The following CEP131 variants were observed in gnomAD, a reference collection of about 807,000 sequenced individuals.
The protein encoded by CEP131 is centrosomal protein of 131 kDa.
In CEP131, 99 loss-of-function variants were observed where a neutral mutation model predicts 136.8. The ratio of observed to expected loss-of-function variants is 0.72; its 90% CI spans 0.62 to 0.86. The LOEUF is 0.86. Among genes scored for constraint, CEP131 ranks in the 40% least tolerant of loss-of-function variants. The pLI is 0.00. For synonymous variants in CEP131, 646 were observed against 612.7 expected, an observed-to-expected ratio of 1.05 and a Z score of -0.80; for missense variants, 1,459 against 1,463.0, an observed-to-expected ratio of 1.00 and a Z score of 0.04.
At chr17:81,192,224 A>C in intron 21 of CEP131, 94 bp downstream of exon 21, 1 of 1,232,766 alleles carries the variant, frequency 8.1e-7, no homozygotes, top group Non-Finnish European at 1.1e-6. Context: ...CCAGGATGCC[A>C]CAGCAGCAGC....
Position 81,218,655 on chromosome 17 carries a change from C to T in CEP131, c.177+1225G>A, listed in dbSNP as rs76805328. Among the ~76,000 whole-genome samples the T allele has an allele frequency of 4.3e-3, 659 of 152,400 alleles. 7 individuals carry two copies. The highest frequency in any genetic ancestry group is 0.015 in the African/African-American group (607 of 41,598). The stretch of plus-strand genomic sequence containing the variant: ...CGGGTCCCCGCCCTGCTGGCCCAGG[C>T]TTTGGGAACCTGCTTGGTCCAAGGG... On this transcript the variant is annotated intron_variant, in intron 2 of 25. Transcript: ENST00000450824.
At chr17:81,213,496 T>C (rs976955162) in intron 2 of CEP131, among the ~76,000 whole-genome samples, 1 of 151,828 alleles carries the variant, frequency 6.6e-6, no homozygotes, top group Non-Finnish European at 1.5e-5. Context: ...GAGGCGGAGA[T>C]TGCAGTGAGC....
In CEP131 at chr17:81,194,867, C is replaced by T. The variant is rs1006121837; in HGVS notation, c.2119+3G>A. 6 of 1,612,886 alleles carry T rather than the reference C, an allele frequency of 3.7e-6. No homozygotes were observed. Among genetic ancestry groups the T allele is most frequent in the Non-Finnish European group, 5.1e-6 (6 of 1,179,660 alleles). On this transcript the variant is annotated splice_donor_region_variant and intron_variant, in intron 17 of 25. Coordinates refer to ENST00000450824, the MANE Select transcript of CEP131 (RefSeq NM_014984.4). Reference sequence around the variant, plus strand: ...GGCCGGCTCATGGGAGGGGAGGGCCCACCTCGGACAGTGACCTCCTTGATC... The same window carrying T: ...GGCCGGCTCATGGGAGGGGAGGGCCTACCTCGGACAGTGACCTCCTTGATC...
intron 7 of CEP131, among the ~76,000 whole-genome samples, chr17:81,200,954 G>A (rs977361516): frequency 3.3e-5 from 5 of 152,118 alleles, no homozygotes; most frequent in Non-Finnish European, 7.4e-5. Flanking sequence ...GTGCTGGGCC[G>A]TTTCCTTATC....
rs372479289 is a variant in CEP131 at position 81,207,195 on chromosome 17, G to T, written c.317C>A (p.Pro106His). ...GCTGGCAGGCCTCTTTTTCCCACTG[G>T]GGCTGCCCTCGAAGAGCATCAGGAA... ...TDFLMLFEGS[P>H]SGKKRPASLS... The change falls in exon 4 of 26, where the codon CCC becomes CAC. Residue 106 changes from proline (P) to histidine (H), a missense_variant. Pro to His is a moderately conservative substitution (Grantham distance 77, BLOSUM62 -2). Around this residue, in one of 3 missense-constraint regions of CEP131, gnomAD observed 187 missense variants for 179.9 expected, o/e 1.04. Coordinates refer to ENST00000450824, the MANE Select transcript of CEP131 (RefSeq NM_014984.4). 1.9e-6 allele frequency: 3 copies of T among 1,613,400 alleles called. No individual in the cohort carries two copies. Among genetic ancestry groups the T allele is most frequent in the Non-Finnish European group, 2.5e-6 (3 of 1,179,872 alleles).
In CEP131 at chr17:81,207,253, A is replaced by G. The variant is rs769619217; in HGVS notation, c.273-14T>C. 11 of 1,611,014 alleles carry G rather than the reference A, an allele frequency of 6.8e-6. No homozygotes were observed. The South Asian group carries it at 1.1e-4, about 16-fold the overall frequency. ...GGCTCCGTTGGCCTGCATCCGAGAGAGGGCGGCACACAAGGAAAGAGTCAC... is the reference window on the plus strand; with the variant it reads ...GGCTCCGTTGGCCTGCATCCGAGAGGGGGCGGCACACAAGGAAAGAGTCAC... On this transcript the variant is annotated splice_polypyrimidine_tract_variant and intron_variant, in intron 3 of 25. Transcript: ENST00000450824.
At chr17:81,195,619 C>A (rs2061737298) in intron 16 of CEP131, among the ~76,000 whole-genome samples, 1 of 151,982 alleles carries the variant, frequency 6.6e-6, no homozygotes, top group African/African-American at 2.4e-5. Flanking sequence ...ACAGCAGGCC[C>A]ACGGCCCCGC....
In CEP131 at chr17:81,198,096, G is replaced by A. The variant is rs772542277; in HGVS notation, c.1470+19C>T. 2.5e-5 allele frequency: 39 copies of A among 1,543,802 alleles called. No homozygotes were observed. The highest frequency in any genetic ancestry group is 5.7e-5 in the Admixed American group (3 of 52,226). On this transcript the variant is annotated intron_variant, in intron 12 of 25. Transcript: ENST00000450824. ...CGTGGGTGGACAGACTGTGCAGGGCGGGCGCACACCGTGGTCACCTCGCTG... is the reference window on the plus strand; with the variant it reads ...CGTGGGTGGACAGACTGTGCAGGGCAGGCGCACACCGTGGTCACCTCGCTG...
chr17:81,194,814 C>T, intron 17 of CEP131, 56 bp downstream of exon 17: 3 of 1,405,866 alleles, frequency 2.1e-6, no homozygotes, highest in Non-Finnish European at 3.0e-6. Flanking sequence ...TCAAAAGAAG[C>T]CCTGGCCGCA....
intron 8 of CEP131, 77 bp downstream of exon 8, chr17:81,200,252 C>G (rs2061860081): frequency 1.7e-6 from 2 of 1,149,496 alleles, no homozygotes; most frequent in South Asian, 2.9e-5. Context: ...TTCCACCTGT[C>G]CCAGAAACTC....
Position 81,192,569 on chromosome 17 carries a change from C to A in CEP131, c.2454G>T (p.Leu818=), listed in dbSNP as rs1347111146. 2 of 1,608,320 alleles carry A rather than the reference C, an allele frequency of 1.2e-6. No individual in the cohort carries two copies. Among genetic ancestry groups the A allele is most frequent in the East Asian group, 4.5e-5 (2 of 44,810 alleles). The change falls in exon 20 of 26, where the codon CTG becomes CTT. Residue 818 remains leucine (L), a synonymous_variant. Coordinates refer to ENST00000450824, the MANE Select transcript of CEP131 (RefSeq NM_014984.4). ...AARQRAELEE[L]RQQLEESSSA... is the part of the protein sequence containing the mutation. Reference sequence around the variant, plus strand: ...AGCTGCTCTCCTCCAGCTGCTGCCTCAGCTCTTCCAGCTCCGCCCGCTGCC... The same window carrying A: ...AGCTGCTCTCCTCCAGCTGCTGCCTAAGCTCTTCCAGCTCCGCCCGCTGCC...
At chr17:81,199,084 A>C in intron 10 of CEP131, 113 bp from the exon 11 acceptor site, 1 of 1,068,978 alleles carries the variant, frequency 9.4e-7, no homozygotes, top group Non-Finnish European at 1.3e-6. Flanking sequence ...CGACCCCAGA[A>C]GCAGAGGAGC....
rs796097651 is a variant in CEP131, at chr17:81,194,506, C to T, written c.2119+364G>A. On this transcript the variant is annotated intron_variant, in intron 17 of 25. Transcript: ENST00000450824. ...GCCTCCTGCCCCATCCGCCTGCCTGCCCCTGCCTCCTCCTGTGGCTCACTC... is the reference window on the plus strand; with the variant it reads ...GCCTCCTGCCCCATCCGCCTGCCTGTCCCTGCCTCCTCCTGTGGCTCACTC... 2.4e-4 allele frequency among the ~76,000 whole-genome samples: 36 copies of T among 152,372 alleles called. 1 individual carries two copies. Among genetic ancestry groups the T allele is most frequent in the African/African-American group, 8.7e-4 (36 of 41,592 alleles).
chr17:81,198,873 A>C lies in CEP131; in HGVS notation c.1287+4T>G, dbSNP rs1276123084. On this transcript the variant is annotated splice_donor_region_variant and intron_variant, in intron 11 of 25. Coordinates refer to ENST00000450824, the MANE Select transcript of CEP131 (RefSeq NM_014984.4). ...GATGGAGTGAAGGACAGCTGTGCTC[A>C]GACCTGCGTCCTGTCCTCTGGAGGC... The C allele has an allele frequency of 2.5e-6, 4 of 1,578,078 alleles. No homozygotes were observed. In the African/African-American group the frequency reaches 5.4e-5, roughly 21 times the overall value.
intron 5 of CEP131, among the ~76,000 whole-genome samples, chr17:81,205,621 G>T (rs2061993418): frequency 2.0e-5 from 3 of 152,112 alleles, no homozygotes; most frequent in Non-Finnish European, 4.4e-5. Context: ...TTAGGACCAG[G>T]TGTGGGGGCT....
At chr17:81,217,252 G>A (rs2062267844) in intron 2 of CEP131, among the ~76,000 whole-genome samples, 1 of 152,192 alleles carries the variant, frequency 6.6e-6, no homozygotes, top group East Asian at 1.9e-4. Context: ...TGAGCCAGAA[G>A]ACCAGCAGGA....
rs547832582 is a variant in CEP131, at chr17:81,201,921, G to A, written c.788+319C>T. On this transcript the variant is annotated intron_variant, in intron 7 of 25. Coordinates refer to ENST00000450824, the MANE Select transcript of CEP131 (RefSeq NM_014984.4). ...TCGAGAACATCCTGGCTAACACGGT[G>A]AAACCCCGTCTCTACTAAAAATACA... 5.9e-5 allele frequency among the ~76,000 whole-genome samples: 9 copies of A among 152,192 alleles called. No individual in the cohort carries two copies. In the South Asian group the frequency reaches 1.5e-3, roughly 25 times the overall value.
At chr17:81,194,300 AC>A (rs1335334554) in intron 17 of CEP131, among the ~76,000 whole-genome samples, 173 bp from the exon 18 acceptor site, 1 of 151,404 alleles carries the variant, frequency 6.6e-6, no homozygotes, top group African/African-American at 2.4e-5. Flanking sequence ...TGGGGAAGAG[AC>A]CCCCACAGGG....
chr17:81,203,534 G>A lies in CEP131; in HGVS notation c.589C>T (p.Pro197Ser). 4 of 1,608,882 alleles carry A rather than the reference G, an allele frequency of 2.5e-6. No homozygotes were observed. The highest frequency in any genetic ancestry group is 3.4e-6 in the Non-Finnish European group (4 of 1,178,366). ...GTCTGGTTGGAGCTCTTGAGCGGAG[G>A]CGCCCTCTCCGAGGGGGTGTAGCGG... The part of the protein sequence containing the change: ...HNRYTPSERA[P>S]PLKSSNQTAP... Residue 197 changes from proline (P) to serine (S), a missense_variant, in exon 6 of 26, where the codon CCT becomes TCT. Transcript: ENST00000450824. The surrounding 1 kb of genome is among the most constrained non-coding windows in gnomAD (Gnocchi z 4.6).
Sources: allele counts gnomAD v4.1 joint callset (sites outside exome capture counted in the v4.1 genomes callset), GRCh38; gene constraint gnomAD v4.1.1; regional missense constraint gnomAD v4.1.1; non-coding constraint Gnocchi (gnomAD v3.1); transcripts MANE v1.5; gene names NCBI Gene and HGNC (gene_info 2026-07-23, HGNC 2026-07-21).